Variants in EYA1 observed in about 807,000 individuals in gnomAD.
EYA1 encodes the protein protein phosphatase EYA1.
A neutral mutation model predicts 82.0 loss-of-function variants in EYA1; 16 were observed. That is an observed-to-expected ratio of 0.20 (90% CI 0.13 to 0.30). EYA1 has a LOEUF of 0.30. Among genes scored for constraint, EYA1 ranks in the 10% least tolerant of loss-of-function variants. The probability of loss-of-function intolerance (pLI) is 1.00; values close to 1 mark genes in which losing one functional copy is unlikely to be tolerated. For missense variants in EYA1, 633 were observed against 730.7 expected (o/e 0.87, Z 1.54); for synonymous variants, 261 against 264.4 (o/e 0.99, Z 0.12).
At chr8:71,240,162 C>A (rs951579550) in intron 12 of EYA1, among the ~76,000 whole-genome samples, 5 of 152,108 alleles carry the variant, frequency 3.3e-5, no homozygotes, top group African/African-American at 1.2e-4. Context: ...GCAGCTTTCT[C>A]CTTTTACATA....
At chr8:71,516,817 C>T (rs1813009915) in intron 2 of EYA1, among the ~76,000 whole-genome samples, 1 of 152,080 alleles carries the variant, frequency 6.6e-6, no homozygotes, top group African/African-American at 2.4e-5. Flanking sequence ...CAACCCTTCC[C>T]TACTCAGTCA....
intron 9 of EYA1, among the ~76,000 whole-genome samples, chr8:71,284,206 T>C (rs1818131260): frequency 6.6e-6 from 1 of 152,228 alleles, no homozygotes. Flanking sequence ...GGAGAGGGGC[T>C]GCCCACAACC....
intron 2 of EYA1, among the ~76,000 whole-genome samples, chr8:71,469,208 AAAG>A (rs1809000467): frequency 1.3e-5 from 2 of 152,132 alleles, no homozygotes; most frequent in Non-Finnish European, 2.9e-5. Context: ...TCTTAGGAGG[AAAG>A]AAGAACTATA....
intron 8 of EYA1, 104 bp downstream of exon 8, chr8:71,299,534 A>T (rs1396434717): frequency 2.5e-6 from 2 of 793,210 alleles, no homozygotes; most frequent in Non-Finnish European, 4.4e-6. Flanking sequence ...AACTACTAAA[A>T]GCCTTAGGAA....
chr8:71,534,460 T>C (rs1013830358), intron 2 of EYA1, among the ~76,000 whole-genome samples: 2 of 152,242 alleles, frequency 1.3e-5, no homozygotes, highest in African/African-American at 4.8e-5. Context: ...AGTGTGACTG[T>C]GAAGATACCT....
chr8:71,511,641 G>T (rs910943662), intron 2 of EYA1, among the ~76,000 whole-genome samples: 1 of 152,132 alleles, frequency 6.6e-6, no homozygotes, highest in Non-Finnish European at 1.5e-5. Context: ...ATCAAAGGGT[G>T]CACGTGGAGA....
At chr8:71,389,096 C>CAG (rs1563560962) in intron 2 of EYA1, among the ~76,000 whole-genome samples, 1 of 151,646 alleles carries the variant, frequency 6.6e-6, no homozygotes, top group Non-Finnish European at 1.5e-5. Flanking sequence ...CACACACAGG[C>CAG]AGAGAGAGAG....
intron 12 of EYA1, among the ~76,000 whole-genome samples, chr8:71,227,101 C>A (rs1777067219): frequency 6.6e-6 from 1 of 151,822 alleles, no homozygotes; most frequent in Non-Finnish European, 1.5e-5. Flanking sequence ...AGATAAAAGA[C>A]TAAAGGCTGA....
chr8:71,432,199 T>G lies in EYA1; in HGVS notation c.34-75688A>C, dbSNP rs528601980. Among the ~76,000 whole-genome samples, 18 of 152,338 alleles carry G rather than the reference T, an allele frequency of 1.2e-4. No homozygotes were observed. The South Asian group carries it at 3.5e-3, about 30-fold the overall frequency. On this transcript the variant is annotated intron_variant, in intron 2 of 18. Coordinates refer to the EYA1 transcript ENST00000643681. ...ATGTTTCTGTTCTGTTTTGCTTATT[T>G]GTATGCATAGAACCTAGAGCAATGC...
chr8:71,462,888 C>T (rs1412500219), intron 2 of EYA1, among the ~76,000 whole-genome samples: 1 of 152,196 alleles, frequency 6.6e-6, no homozygotes, highest in Admixed American at 6.5e-5. Flanking sequence ...CTGCACCTCC[C>T]CACTGCAGCC....
At chr8:71,538,913 A>G (rs1402913503) in intron 1 of EYA1, among the ~76,000 whole-genome samples, 1 of 152,140 alleles carries the variant, frequency 6.6e-6, no homozygotes, top group African/African-American at 2.4e-5. Context: ...CACCTTGTAA[A>G]AGCAGGGAAC....
At chr8:71,497,402 T>G (rs905953744) in intron 2 of EYA1, among the ~76,000 whole-genome samples, 4 of 152,182 alleles carry the variant, frequency 2.6e-5, no homozygotes, top group African/African-American at 9.7e-5. Flanking sequence ...AACAACCCAA[T>G]TTAAAAATGG....
chr8:71,318,021 C>T (rs1822122652), intron 6 of EYA1, among the ~76,000 whole-genome samples: 1 of 152,140 alleles, frequency 6.6e-6, no homozygotes, highest in Non-Finnish European at 1.5e-5. Flanking sequence ...ATCTCCTTCA[C>T]AGTAAAGAAA....
intron 11 of EYA1, among the ~76,000 whole-genome samples, chr8:71,263,301 T>TCC (rs1025597706): frequency 3.3e-5 from 5 of 151,906 alleles, no homozygotes; most frequent in African/African-American, 1.2e-4. Flanking sequence ...CTCCACCCCC[T>TCC]CCCCTGGGGA....
intron 9 of EYA1, among the ~76,000 whole-genome samples, chr8:71,290,124 A>G (rs531186566): frequency 1.4e-5 from 2 of 138,834 alleles, no homozygotes; most frequent in South Asian, 4.1e-4. Context: ...ATCAAACAAT[A>G]CTTACTATCA....
chr8:71,421,742 T>C (rs7820753), intron 2 of EYA1, among the ~76,000 whole-genome samples: 105,372 of 152,066 alleles, frequency 0.69, 37,190 homozygotes, highest in African/African-American at 0.75. Flanking sequence ...TCCAAACTTC[T>C]TCCCTGCTCT....
rs112348107 is a variant in EYA1, at chr8:71,477,544, A to ATT, written c.33+58198_33+58199dup. On this transcript the variant is annotated intron_variant, in intron 2 of 18. Coordinates refer to the EYA1 transcript ENST00000643681. Reference sequence around the variant, plus strand: ...ACTCCCTATGTACTAGGATGACTAAATTTTTTTTTTCAAAAAAAGGCAAAA... The same window carrying ATT: ...ACTCCCTATGTACTAGGATGACTAAATTTTTTTTTTTTCAAAAAAAGGCAAAA... Among the ~76,000 whole-genome samples the ATT allele has an allele frequency of 8.6e-4, 130 of 150,414 alleles. 1 individual carries two copies. Among genetic ancestry groups the ATT allele is most frequent in the African/African-American group, 3.0e-3 (121 of 40,892 alleles).
rs9298167 is a variant in EYA1 at position 71,277,115 on chromosome 8, A to ATTT, written c.827-5221_827-5219dup. Among the ~76,000 whole-genome samples, 466 of 76,880 alleles carry ATTT rather than the reference A, an allele frequency of 6.1e-3. 5 individuals carry two copies. The highest frequency in any genetic ancestry group is 8.0e-3 in the Non-Finnish European group (347 of 43,394). The allele number at this position is 76,880 out of a possible 152,430, so 50.4% of individuals were successfully genotyped here. A position where few individuals can be genotyped will look rare whatever the true frequency, so the allele number is the denominator to read the frequency against. On this transcript the variant is annotated intron_variant, in intron 9 of 17. Coordinates refer to ENST00000340726, the MANE Select transcript of EYA1 (RefSeq NM_000503.6). ...GCCATGCTATTTCATGGCTTCACACATTTTTTTTTTTTTTTTTTTTTTTTT... is the reference window on the plus strand; with the variant it reads ...GCCATGCTATTTCATGGCTTCACACATTTTTTTTTTTTTTTTTTTTTTTTTTTT...
intron 2 of EYA1, among the ~76,000 whole-genome samples, chr8:71,457,538 T>C (rs1808035355): frequency 1.3e-5 from 2 of 152,186 alleles, no homozygotes. Context: ...CAGACTGGAT[T>C]AAGAAAATGT....
Sources: allele counts gnomAD v4.1 joint callset (sites outside exome capture counted in the v4.1 genomes callset), GRCh38; gene constraint gnomAD v4.1.1; transcripts MANE v1.5; gene names NCBI Gene and HGNC (gene_info 2026-07-23, HGNC 2026-07-21).